RNFT2: variants seen among roughly 807,000 people sequenced by gnomAD.
The protein encoded by RNFT2 is ring finger protein, transmembrane 2, also known as E3 ubiquitin-protein ligase RNFT2.
In RNFT2, 36 loss-of-function variants were observed where a neutral mutation model predicts 53.0. The ratio of observed to expected loss-of-function variants is 0.68; its 90% CI spans 0.52 to 0.90. The LOEUF (loss-of-function observed/expected upper bound fraction) is 0.90, where lower values mean the gene tolerates loss of function less well. Ranked by LOEUF, RNFT2 falls within the 40% of genes least tolerant of loss-of-function variation. The pLI is 0.00. For synonymous variants in RNFT2, 260 were observed against 253.2 expected (o/e 1.03, Z -0.26); for missense variants, 514 against 585.6 (o/e 0.88, Z 1.26).
chr12:116,800,525 C>T (rs1349572847), intron 7 of RNFT2, among the ~76,000 whole-genome samples: 1 of 151,958 alleles, frequency 6.6e-6, no homozygotes, highest in Non-Finnish European at 1.5e-5. Flanking sequence ...CCCAGCTACT[C>T]GGGTGGCTGA....
intron 1 of RNFT2, among the ~76,000 whole-genome samples, chr12:116,739,695 G>A (rs2137057384): frequency 6.6e-6 from 1 of 152,300 alleles, no homozygotes; most frequent in South Asian, 2.1e-4. Context: ...GGAACAGAAG[G>A]GCCACTGTGG....
intron 7 of RNFT2, among the ~76,000 whole-genome samples, chr12:116,828,740 A>G (rs745306918): frequency 1.1e-4 from 16 of 152,130 alleles, no homozygotes; most frequent in Non-Finnish European, 2.9e-5. Context: ...AAAGGCAGGA[A>G]GGGAGGGAAG....
intron 4 of RNFT2, among the ~76,000 whole-genome samples, chr12:116,750,831 TATATATATTATATATATATA>T: frequency 3.1e-4 from 1 of 3,198 alleles, no homozygotes; most frequent in South Asian, 9.8e-3. Flanking sequence ...ATATATATAA[TATATATATTATATATATATA>T]ATATATATTA....
intron 3 of RNFT2, among the ~76,000 whole-genome samples, chr12:116,746,769 G>T (rs989724655): frequency 2.0e-5 from 3 of 152,146 alleles, no homozygotes. Context: ...AATGATATTT[G>T]TACCTGTCTA....
chr12:116,853,321 C>T lies in RNFT2; in HGVS notation c.*3873C>T, dbSNP rs1878016123. 1 of 397,620 alleles carries T rather than the reference C, an allele frequency of 2.5e-6. No homozygotes were observed. Among genetic ancestry groups the T allele is most frequent in the East Asian group, 3.6e-5 (1 of 28,058 alleles). The allele number at this position is 397,620 out of a possible 1,614,324, so 24.6% of individuals were successfully genotyped here. On this transcript the variant is annotated 3_prime_UTR_variant, in exon 11 of 11. Coordinates refer to ENST00000257575, the MANE Select transcript of RNFT2 (RefSeq NM_001382266.1). ...CTTATTATTTTATGATTCACTGACT[C>T]AAGTTCCACGAAGTCCTTAGAAATG... is the stretch of plus-strand genomic sequence containing the variant.
intron 5 of RNFT2, among the ~76,000 whole-genome samples, chr12:116,760,846 C>G (rs114750191): frequency 6.6e-6 from 1 of 152,148 alleles, no homozygotes; most frequent in Non-Finnish European, 1.5e-5. Flanking sequence ...AGTCCTGCCT[C>G]CCATCCGCCA....
At chr12:116,817,626 A>G (rs1319764828) in intron 7 of RNFT2, among the ~76,000 whole-genome samples, 6 of 152,206 alleles carry the variant, frequency 3.9e-5, no homozygotes, top group Admixed American at 1.3e-4. Context: ...ACTTGTCACT[A>G]CTGTAGTACA....
chr12:116,740,538 A>C lies in RNFT2; in HGVS notation c.24+17A>C. The C allele has an allele frequency of 6.4e-7, 1 of 1,563,556 alleles. No homozygotes were observed. Among genetic ancestry groups the C allele is most frequent in the Non-Finnish European group, 8.7e-7 (1 of 1,152,656 alleles). On this transcript the variant is annotated intron_variant, in intron 2 of 10. Transcript: ENST00000257575. Reference sequence around the variant, plus strand: ...GTGAATCAGGTGACACGTCTCCAAGAGAATTTGCATCTTTATTACTACTTG... The same window carrying C: ...GTGAATCAGGTGACACGTCTCCAAGCGAATTTGCATCTTTATTACTACTTG...
At chr12:116,823,011 G>A (rs964888772) in intron 7 of RNFT2, among the ~76,000 whole-genome samples, 7 of 152,094 alleles carry the variant, frequency 4.6e-5, no homozygotes, top group Non-Finnish European at 8.8e-5. Flanking sequence ...AGCAAAAAAC[G>A]AAAAGACAAA....
chr12:116,760,184 C>A (rs559645336), intron 5 of RNFT2, among the ~76,000 whole-genome samples: 1 of 152,144 alleles, frequency 6.6e-6, no homozygotes, highest in Non-Finnish European at 1.5e-5. Context: ...AAGGGCCGGT[C>A]TCACTCCCAC....
chr12:116,803,253 C>G (rs60271353), intron 7 of RNFT2, among the ~76,000 whole-genome samples: 1 of 152,158 alleles, frequency 6.6e-6, no homozygotes. Context: ...TGGGTGCAAC[C>G]GACACCACCT....
chr12:116,789,876 G>T (rs376814592), intron 7 of RNFT2, among the ~76,000 whole-genome samples: 80 of 148,310 alleles, frequency 5.4e-4, no homozygotes, highest in African/African-American at 1.9e-3. Flanking sequence ...TGGGTGGATG[G>T]GTAAATGGTA....
chr12:116,841,406 T>C (rs919127282), intron 10 of RNFT2, among the ~76,000 whole-genome samples: 3 of 151,760 alleles, frequency 2.0e-5, no homozygotes, highest in African/African-American at 7.3e-5. Flanking sequence ...TGAGCCGAGA[T>C]TGCACCACTA....
chr12:116,817,504 A>C (rs924481321), intron 7 of RNFT2, among the ~76,000 whole-genome samples: 5 of 152,148 alleles, frequency 3.3e-5, no homozygotes, highest in African/African-American at 1.2e-4. Flanking sequence ...TGAGAGCATA[A>C]GCTGTATAAC....
rs1371770303 is a variant in RNFT2, at chr12:116,850,817, G to C, written c.*1369G>C. 2 of 151,662 alleles carry C rather than the reference G, an allele frequency of 1.3e-5. No homozygotes were observed. Among genetic ancestry groups the C allele is most frequent in the African/African-American group, 4.9e-5 (2 of 41,234 alleles). The allele number at this position is 151,662 out of a possible 1,614,324, so 9.4% of individuals were successfully genotyped here. On this transcript the variant is annotated 3_prime_UTR_variant, in exon 11 of 11. Transcript: ENST00000257575. Reference sequence around the variant, plus strand: ...TAATTTTTTTTTTGTATTTTTAGTAGAGATGGGGTTTCACCACGTTGGCCA... The same window carrying C: ...TAATTTTTTTTTTGTATTTTTAGTACAGATGGGGTTTCACCACGTTGGCCA...
At position 116,763,869 on chromosome 12, in the gene RNFT2, A is replaced by G. The variant is rs774986086; in HGVS notation, c.628-2945A>G. Among the ~76,000 whole-genome samples, 43 of 152,192 alleles carry G rather than the reference A, an allele frequency of 2.8e-4. 1 individual carries two copies. Among genetic ancestry groups the G allele is most frequent in the Non-Finnish European group, 1.5e-4 (10 of 68,046 alleles). ...ACTACTAGGCATCTACCCAGAGGAA[A>G]AGAAGTCATTATACGAAAAAAATAC... On this transcript the variant is annotated intron_variant, in intron 5 of 10. Transcript: ENST00000257575.
intron 6 of RNFT2, among the ~76,000 whole-genome samples, chr12:116,774,260 T>C (rs1234750549): frequency 1.3e-5 from 2 of 152,212 alleles, no homozygotes; most frequent in Non-Finnish European, 2.9e-5. Flanking sequence ...CTTAGCATCA[T>C]TGAACTGTGC....
At chr12:116,779,048 GCA>G in intron 6 of RNFT2, 145 bp from the exon 7 acceptor site, 4 of 812,292 alleles carry the variant, frequency 4.9e-6, no homozygotes. Flanking sequence ...CAGGTTAGTA[GCA>G]GATTCAGGAA....
intron 6 of RNFT2, among the ~76,000 whole-genome samples, chr12:116,775,141 T>C (rs1873370711): frequency 6.6e-6 from 1 of 151,326 alleles, no homozygotes; most frequent in Non-Finnish European, 1.5e-5. Context: ...ATGCCTGTAA[T>C]CCCAGCTACT....
Sources: allele counts gnomAD v4.1 joint callset (sites outside exome capture counted in the v4.1 genomes callset), GRCh38; gene constraint gnomAD v4.1.1; transcripts MANE v1.5; gene names NCBI Gene and HGNC (gene_info 2026-07-23, HGNC 2026-07-21).